The following IL17REL variants were observed in gnomAD, a reference collection of about 807,000 sequenced individuals.
The protein encoded by IL17REL is interleukin-17 receptor E-like protein.
Under a neutral mutation model 49.0 loss-of-function variants are expected in IL17REL, and 36 were observed. That is an observed-to-expected ratio of 0.73 (90% CI 0.56 to 0.97). The LOEUF is 0.97. IL17REL is among the 50% of genes least tolerant of loss of function. The pLI is 0.00. For missense variants in IL17REL, 470 were observed against 453.9 expected (o/e 1.04, Z -0.32); for synonymous variants, 206 against 192.4 (o/e 1.07, Z -0.58).
At chr22:50,003,951 A>G (rs2061093525) in intron 1 of IL17REL, among the ~76,000 whole-genome samples, 1 of 152,238 alleles carries the variant, frequency 6.6e-6, no homozygotes, top group South Asian at 2.1e-4. Flanking sequence ...AGATGACATG[A>G]TTGTCTCTGT....
At chr22:50,004,354 A>G (rs1329282961) in intron 1 of IL17REL, among the ~76,000 whole-genome samples, 1 of 152,172 alleles carries the variant, frequency 6.6e-6, no homozygotes, top group East Asian at 1.9e-4. Context: ...CTGTATTTCT[A>G]TATACTAGCA....
At chr22:50,000,512 G>A (rs759793995) in exon 4 of IL17REL, 2 of 1,613,450 alleles carry the variant, frequency 1.2e-6, no homozygotes, top group East Asian at 2.2e-5. Context: ...GCTGGACCCC[G>A]CAGAAATGAG....
intron 1 of IL17REL, among the ~76,000 whole-genome samples, chr22:50,005,345 G>A (rs1404721415): frequency 1.3e-5 from 2 of 152,052 alleles, no homozygotes; most frequent in African/African-American, 4.8e-5. Context: ...CTGAAAAAAC[G>A]CCTAACAGAT....
At chr22:49,997,055 G>A (rs1455528318) in exon 12 of IL17REL, 1 of 1,563,996 alleles carries the variant, frequency 6.4e-7, no homozygotes. Context: ...GGCAAAAGCA[G>A]GGGCGGCTGC....
chr22:50,001,030 C>T, intron 2 of IL17REL, 52 bp downstream of exon 3: 2 of 1,408,306 alleles, frequency 1.4e-6, no homozygotes, highest in Non-Finnish European at 2.0e-6. Flanking sequence ...GGCACCTGGG[C>T]CCACTGCTGG....
chr22:50,010,124 C>T (rs963456778), upstream of IL17REL, among the ~76,000 whole-genome samples: 1 of 152,260 alleles, frequency 6.6e-6, no homozygotes, highest in African/African-American at 2.4e-5. Flanking sequence ...ACCCCAATAA[C>T]TCCCCAGAGA....
upstream of IL17REL, among the ~76,000 whole-genome samples, chr22:50,009,422 C>T (rs936916570): frequency 5.3e-5 from 8 of 152,292 alleles, no homozygotes; most frequent in South Asian, 2.1e-4. Flanking sequence ...AGGCAGAAGG[C>T]GCCCGGCACC....
At chr22:50,000,033 C>G in intron 4 of IL17REL, 66 bp from the exon 7 acceptor site, 1 of 1,389,136 alleles carries the variant, frequency 7.2e-7, no homozygotes, top group Non-Finnish European at 9.4e-7. Context: ...CTCTGTCTGT[C>G]CCGAGAGCCC....
chr22:50,001,462 G>T (rs1338126820), intron 1 of IL17REL, among the ~76,000 whole-genome samples: 6 of 152,158 alleles, frequency 3.9e-5, no homozygotes. Context: ...TGGGTCAGGG[G>T]GGCAGGCTGC....
At chr22:50,003,084 T>C (rs1396085120) in intron 1 of IL17REL, among the ~76,000 whole-genome samples, 1 of 152,154 alleles carries the variant, frequency 6.6e-6, no homozygotes, top group Non-Finnish European at 1.5e-5. Context: ...ATAGAGAGTC[T>C]GGGCAGCCGG....
intron 4 of IL17REL, 114 bp from the exon 7 acceptor site, chr22:50,000,081 G>A: frequency 8.1e-7 from 1 of 1,227,352 alleles, no homozygotes; most frequent in Admixed American, 3.5e-5. Flanking sequence ...ACGTTTGGGA[G>A]TCGCCCGCCC....
At chr22:49,996,198 A>G (rs1420658548) in exon 13 of IL17REL, 1 of 152,244 alleles carries the variant, frequency 6.6e-6, no homozygotes, top group African/African-American at 2.4e-5. Flanking sequence ...AAGGGTCTCC[A>G]GAGGCCCTGG....
exon 13 of IL17REL, chr22:49,996,244 C>T (rs548770585): frequency 1.3e-5 from 2 of 152,348 alleles, no homozygotes; most frequent in East Asian, 3.9e-4. Context: ...TCCCACCCCT[C>T]CCACCTCTGT....
chr22:49,999,586 G>A (rs1201804905), intron 5 of IL17REL, 84 bp from the exon 8 acceptor site: 6 of 1,157,406 alleles, frequency 5.2e-6, no homozygotes, highest in African/African-American at 3.1e-5. Flanking sequence ...CGAACGGGGC[G>A]GGAGCGGGGA....
chr22:50,003,694 A>G (rs1242510931), intron 1 of IL17REL, among the ~76,000 whole-genome samples: 1 of 152,206 alleles, frequency 6.6e-6, no homozygotes, highest in Non-Finnish European at 1.5e-5. Flanking sequence ...AAGAAAAAAT[A>G]TCAGCAAACA....
chr22:49,991,903 G>A (rs1466818040), downstream of IL17REL, among the ~76,000 whole-genome samples: 1 of 152,048 alleles, frequency 6.6e-6, no homozygotes, highest in Non-Finnish European at 1.5e-5. Context: ...GAGGTGGTCC[G>A]GGCACAGCTT....
chr22:50,005,004 G>A (rs1026010470), intron 1 of IL17REL, among the ~76,000 whole-genome samples: 10 of 148,204 alleles, frequency 6.7e-5, no homozygotes, highest in South Asian at 4.2e-4. Flanking sequence ...GTGAAGCCAC[G>A]GAGGAGAAGG....
rs200028614 is a variant in IL17REL at position 49,997,704 on chromosome 22, G to T, written c.858C>A (p.Phe286Leu). 1.9e-6 allele frequency: 3 copies of T among 1,613,944 alleles called. No homozygotes were observed. The African/African-American group carries it at 4.0e-5, about 22-fold the overall frequency. ...ACTTACTTGGGAAGCGACGCTGTTC[G>T]AAAGGGCACCGCACCCAGGACCCCC... The change falls in exon 10 of 13, where the codon TTC becomes TTA. Residue 286 changes from phenylalanine (F) to leucine (L), a missense_variant. Phe to Leu is a conservative substitution (Grantham distance 22, BLOSUM62 0). Transcript: ENST00000341280.
chr22:50,011,707 C>G (rs1342957167), upstream of IL17REL, among the ~76,000 whole-genome samples: 5 of 152,140 alleles, frequency 3.3e-5, no homozygotes, highest in Non-Finnish European at 7.4e-5. Flanking sequence ...CTTCCTTGTT[C>G]CACGAATGCC....
Sources: allele counts gnomAD v4.1 joint callset (sites outside exome capture counted in the v4.1 genomes callset), GRCh38; gene constraint gnomAD v4.1.1; transcripts MANE v1.5; gene names NCBI Gene and HGNC (gene_info 2026-07-23, HGNC 2026-07-21).